PRELID2: variants seen among roughly 807,000 people sequenced by gnomAD.
PRELID2 encodes PRELI domain-containing protein 2.
PRELID2 carries 25 observed loss-of-function variants against 28.4 expected under a neutral mutation model. The observed-to-expected ratio is 0.88, with a 90% CI of 0.64 to 1.23. PRELID2 has a LOEUF of 1.23. Among genes scored for constraint, PRELID2 ranks in the 50% most tolerant of loss-of-function variants. The pLI is 0.00. For missense variants in PRELID2, 201 were observed against 214.4 expected (o/e 0.94, Z 0.39); for synonymous variants, 76 against 71.6 (o/e 1.06, Z -0.31).
chr5:145,688,796 A>G (rs374643549), intron 1 of PRELID2, among the ~76,000 whole-genome samples: 1 of 152,216 alleles, frequency 6.6e-6, no homozygotes, highest in Admixed American at 6.5e-5. Context: ...AGGCAAAGGT[A>G]TGGACCTTCT....
chr5:145,230,956 A>G, the PRELID2 span, among the ~76,000 whole-genome samples: 6 of 152,210 alleles, frequency 3.9e-5, no homozygotes, highest in Non-Finnish European at 7.3e-5. Context: ...TTCTGGAGAG[A>G]GATAACAAGG....
chr5:145,728,177 G>A lies in PRELID2; in HGVS notation n.70+36754C>T, dbSNP rs374256620. On this transcript the variant is annotated intron_variant and non_coding_transcript_variant, in intron 1 of 2. Transcript: ENST00000510259. ...CACTGACCGTATATTGCTAGTCTTT[G>A]CTTTTGTACATCTTTAGGGCACTGA... Among the ~76,000 whole-genome samples, 479 of 152,126 alleles carry A rather than the reference G, an allele frequency of 3.1e-3. 1 individual carries two copies. The highest frequency in any genetic ancestry group is 0.011 in the African/African-American group (442 of 41,508).
intron 1 of PRELID2, among the ~76,000 whole-genome samples, chr5:145,833,978 G>A (rs1443748123): frequency 1.3e-5 from 2 of 152,202 alleles, no homozygotes; most frequent in East Asian, 1.9e-4. Flanking sequence ...CCAGATCAGA[G>A]TCCAGGAGTC....
At chr5:145,538,913 CAT>C (rs1752723081) in intron 1 of PRELID2, among the ~76,000 whole-genome samples, 1 of 151,924 alleles carries the variant, frequency 6.6e-6, no homozygotes, top group Non-Finnish European at 1.5e-5. Context: ...CTCAAAAGCA[CAT>C]ACTCAATCAG....
chr5:145,637,781 T>C (rs1450614219), intron 1 of PRELID2, among the ~76,000 whole-genome samples: 1 of 151,882 alleles, frequency 6.6e-6, no homozygotes, highest in African/African-American at 2.4e-5. Flanking sequence ...TTAATGTTAA[T>C]GTCACAGTGA....
At chr5:145,340,042 A>T in the PRELID2 span, among the ~76,000 whole-genome samples, 1 of 152,058 alleles carries the variant, frequency 6.6e-6, no homozygotes, top group Admixed American at 6.6e-5. Context: ...TGAGCATTCC[A>T]CCAGTGACCT....
chr5:145,263,355 C>T, the PRELID2 span, among the ~76,000 whole-genome samples: 11 of 152,076 alleles, frequency 7.2e-5, no homozygotes, highest in Admixed American at 2.0e-4. Flanking sequence ...ACTTACAGAA[C>T]ATTCTACCCA....
In PRELID2 at chr5:145,518,295, G is replaced by A. The variant is rs185315754; in HGVS notation, n.71-44980C>T. 7.4e-3 allele frequency among the ~76,000 whole-genome samples: 1,127 copies of A among 152,134 alleles called. 10 individuals carry two copies. Among genetic ancestry groups the A allele is most frequent in the Non-Finnish European group, 0.013 (851 of 67,988 alleles). ...GCTCACTGCAACCTCTGCCTCCCAG[G>A]TTCAAGTGATTCTTCTGCCTCACCC... On this transcript the variant is annotated intron_variant and non_coding_transcript_variant, in intron 1 of 2. Coordinates refer to the PRELID2 transcript ENST00000510259.
Position 145,505,055 on chromosome 5 carries a change from A to G in PRELID2, n.71-31740T>C, listed in dbSNP as rs564945413. ...CACTAATTTGATATATTGTCATTCA[A>G]TAACACAGCATACAGAATGTTTCCA... On this transcript the variant is annotated intron_variant and non_coding_transcript_variant, in intron 1 of 2. Transcript: ENST00000510259. Among the ~76,000 whole-genome samples the G allele has an allele frequency of 3.9e-5, 6 of 152,290 alleles. 1 individual carries two copies. The highest frequency in any genetic ancestry group is 1.4e-4 in the African/African-American group (6 of 41,578).
At chr5:145,740,295 T>C (rs372328980) in intron 1 of PRELID2, among the ~76,000 whole-genome samples, 1 of 95,738 alleles carries the variant, frequency 1.0e-5, no homozygotes, top group Admixed American at 1.0e-4. Context: ...TATATATATA[T>C]ATATATATAT....
chr5:145,393,921 C>T, the PRELID2 span, among the ~76,000 whole-genome samples: 7 of 152,092 alleles, frequency 4.6e-5, no homozygotes, highest in Non-Finnish European at 1.0e-4. Context: ...TTAAAAACCA[C>T]CAGATTTAAT....
chr5:145,818,201 T>TGG, intron 3 of PRELID2, 147 bp from the exon 4 acceptor site: 1 of 809,684 alleles, frequency 1.2e-6, no homozygotes, highest in Admixed American at 2.8e-5. Flanking sequence ...CTGTACGTTT[T>TGG]TGATAATCAA....
At chr5:145,694,677 T>A (rs2149698069) in intron 1 of PRELID2, among the ~76,000 whole-genome samples, 1 of 152,272 alleles carries the variant, frequency 6.6e-6, no homozygotes, top group African/African-American at 2.4e-5. Context: ...TATATGACAT[T>A]CAGAAATGTC....
At chr5:145,541,171 T>C (rs974073033) in intron 1 of PRELID2, among the ~76,000 whole-genome samples, 8 of 152,086 alleles carry the variant, frequency 5.3e-5, no homozygotes, top group Non-Finnish European at 1.2e-4. Flanking sequence ...AAAAGAATGA[T>C]GTAGATTTCT....
the PRELID2 span, among the ~76,000 whole-genome samples, chr5:145,327,125 C>T: frequency 0.25 from 38,061 of 151,910 alleles, 5,103 homozygotes; most frequent in African/African-American, 0.35. Flanking sequence ...TATATGTCTT[C>T]AGGTCTATTT....
At chr5:145,541,679 T>C (rs988946937) in intron 1 of PRELID2, among the ~76,000 whole-genome samples, 11 of 152,180 alleles carry the variant, frequency 7.2e-5, no homozygotes, top group African/African-American at 2.4e-4. Context: ...GGTAGTTTAA[T>C]TGGGGGAGAG....
chr5:145,363,608 G>A, the PRELID2 span, among the ~76,000 whole-genome samples: 223 of 152,096 alleles, frequency 1.5e-3, no homozygotes, highest in African/African-American at 5.4e-3. Context: ...CATTAAAGCA[G>A]AGTAAAGAGA....
chr5:145,418,389 A>AT, the PRELID2 span, among the ~76,000 whole-genome samples: 1 of 152,182 alleles, frequency 6.6e-6, no homozygotes. Context: ...AAAAAAAACT[A>AT]TTTTAAAATT....
the PRELID2 span, among the ~76,000 whole-genome samples, chr5:145,276,906 T>C: frequency 6.6e-6 from 1 of 152,156 alleles, no homozygotes; most frequent in Non-Finnish European, 1.5e-5. Context: ...ATTTAACCAA[T>C]GTGAGAGCTG....
Sources: allele counts gnomAD v4.1 joint callset (sites outside exome capture counted in the v4.1 genomes callset), GRCh38; gene constraint gnomAD v4.1.1; transcripts MANE v1.5; gene names NCBI Gene and HGNC (gene_info 2026-07-23, HGNC 2026-07-21).